TPPP2: variants seen among roughly 807,000 people sequenced by gnomAD.
TPPP2 encodes tubulin polymerization-promoting protein family member 2.
A neutral mutation model predicts 13.0 loss-of-function variants in TPPP2; 8 were observed. That is an observed-to-expected ratio of 0.62 (90% confidence interval 0.36 to 1.11). The LOEUF (loss-of-function observed/expected upper bound fraction) is 1.11, where lower values mean the gene tolerates loss of function less well. TPPP2 is among the 50% of genes most tolerant of loss of function. TPPP2 has a pLI of 0.02. For missense variants in TPPP2, 213 were observed against 216.9 expected, an observed-to-expected ratio of 0.98 and a Z score of 0.11; for synonymous variants, 81 against 81.8, an observed-to-expected ratio of 0.99 and a Z score of 0.05.
chr14:21,036,214 C>T (rs755118991), downstream of TPPP2: 1 of 456,336 alleles, frequency 2.2e-6, no homozygotes. Flanking sequence ...CTCGCCTGGA[C>T]AGCACACACA....
At chr14:21,028,468 C>T (rs1883847377), upstream of TPPP2, 1 of 152,066 alleles carries the variant, frequency 6.6e-6, no homozygotes, top group South Asian at 2.1e-4. Flanking sequence ...ACTTTGTTGG[C>T]CTCCCAAAGT....
At position 21,032,081 on chromosome 14, in the gene TPPP2, G is replaced by C. The variant is rs765129803; in HGVS notation, c.*4G>C. 7 of 1,610,138 alleles carry C rather than the reference G, an allele frequency of 4.3e-6. No individual in the cohort carries two copies. The African/African-American group carries it at 6.7e-5, about 15-fold the overall frequency. On this transcript the variant is annotated 3_prime_UTR_variant, in exon 4 of 4. Transcript: ENST00000321760. ...CTACGATAAGAAGACCAAGTAGAGAGGAGCTTCATCTCAGCCTGCTAGCCC... is the reference window on the plus strand; with the variant it reads ...CTACGATAAGAAGACCAAGTAGAGACGAGCTTCATCTCAGCCTGCTAGCCC...
At chr14:21,033,482 G>A, downstream of TPPP2, 1 of 351,126 alleles carries the variant, frequency 2.8e-6, no homozygotes, top group South Asian at 3.1e-5. Flanking sequence ...TGAGGCCCTG[G>A]GCCTCCATCC....
intron 3 of TPPP2, 142 bp from the exon 4 acceptor site, chr14:21,031,749 TG>T: frequency 1.2e-6 from 1 of 860,378 alleles, no homozygotes. Flanking sequence ...CAGCTGTATC[TG>T]GGCCCTAAGA....
chr14:21,025,255 T>C (rs1353365348), upstream of TPPP2: 4 of 864,682 alleles, frequency 4.6e-6, no homozygotes, highest in Non-Finnish European at 5.6e-6. The surrounding 1 kb of genome is among the most constrained non-coding windows in gnomAD (Gnocchi z 5.1). Flanking sequence ...GGCGGGCGGC[T>C]GGACGCTTCC....
chr14:21,028,478 T>G (rs1883848253), upstream of TPPP2: 1 of 152,146 alleles, frequency 6.6e-6, no homozygotes, highest in Non-Finnish European at 1.5e-5. Flanking sequence ...CCTCCCAAAG[T>G]GCTGGAATTA....
downstream of TPPP2, chr14:21,035,872 G>A (rs1360356391): frequency 6.8e-5 from 31 of 455,478 alleles, no homozygotes; most frequent in South Asian, 2.9e-4. Context: ...ACGGGGAGGC[G>A]GTCCTGCATG....
chr14:21,034,335 G>T, downstream of TPPP2: 1 of 1,420,480 alleles, frequency 7.0e-7, no homozygotes, highest in Non-Finnish European at 9.7e-7. Context: ...CAGTGGGCCT[G>T]AAGTGGCTGT....
At chr14:21,035,074 C>T (rs891401282), downstream of TPPP2, among the ~76,000 whole-genome samples, 1 of 152,216 alleles carries the variant, frequency 6.6e-6, no homozygotes, top group South Asian at 2.1e-4. Context: ...GCATTCGCCA[C>T]TTTGTCATCC....
At chr14:21,026,513 A>G (rs895036404), upstream of TPPP2, among the ~76,000 whole-genome samples, 8 of 43,762 alleles carry the variant, frequency 1.8e-4, no homozygotes, top group African/African-American at 7.5e-4. Flanking sequence ...CCCTCCCACC[A>G]CCACCCTCAC....
In TPPP2 at chr14:21,030,557, T is replaced by A. The variant is rs1386685176; in HGVS notation, c.-25T>A. 6.2e-7 allele frequency: 1 copy of A among 1,609,990 alleles called. No homozygotes were observed. The highest frequency in any genetic ancestry group is 1.7e-5 in the Admixed American group (1 of 59,608). On this transcript the variant is annotated 5_prime_UTR_variant, in exon 2 of 4. Coordinates refer to ENST00000321760, the MANE Select transcript of TPPP2 (RefSeq NM_173846.5). ...TTCACCCCCAAGTGTCTCCCACGAC[T>A]GCCCTCCCCGACCTCTAGCTGACCA...
In TPPP2 at chr14:21,032,040, A is replaced by G. The variant is rs147039776; in HGVS notation, c.476A>G (p.Tyr159Cys). Reference protein sequence around the residue: ...MTDNTGYVSGYKGSGTYDKKT... With the variant: ...MTDNTGYVSGCKGSGTYDKKT... ...GACAACACAGGCTATGTGAGTGGTT[A>G]CAAGGGTTCTGGCACCTACGATAAG... The change falls in exon 4 of 4, where the codon TAC becomes TGC. Residue 159 changes from tyrosine (Y) to cysteine (C), a missense_variant. Tyr to Cys is a radical substitution (Grantham distance 194, BLOSUM62 -2). Coordinates refer to ENST00000321760, the MANE Select transcript of TPPP2 (RefSeq NM_173846.5). The G allele has an allele frequency of 2.5e-5, 40 of 1,614,196 alleles. No homozygotes were observed. In the African/African-American group the frequency reaches 4.9e-4, roughly 20 times the overall value.
At position 21,030,656 on chromosome 14, in the gene TPPP2, GAAC is replaced by G. The variant is rs775924588; in HGVS notation, c.81_83del (p.Asn27del). The G allele has an allele frequency of 5.8e-5, 94 of 1,613,988 alleles. 3 individuals are homozygous for G. In the South Asian group the frequency reaches 5.9e-4, roughly 10 times the overall value. ...AATCATCAAGCAGTGGCACTGAAAT[GAAC>G]AACAAGAACTTCTCCAAGCTGTGCA... On this transcript the variant is annotated inframe_deletion, in exon 2 of 4. Transcript: ENST00000321760.
In TPPP2 at chr14:21,030,706, G is replaced by A. The variant is rs573166585; in HGVS notation, c.125G>A (p.Gly42Asp). 2.5e-6 allele frequency: 4 copies of A among 1,614,038 alleles called. No homozygotes were observed. The highest frequency in any genetic ancestry group is 1.3e-5 in the African/African-American group (1 of 74,918). The part of the protein sequence containing the change: ...KLCKDCGIMD[G>D]KTVTSTDVDI... Reference sequence around the variant, plus strand: ...TGCAAAGACTGTGGCATCATGGATGGCAAGACAGTCACCTCCACGGACGTG... The same window carrying A: ...TGCAAAGACTGTGGCATCATGGATGACAAGACAGTCACCTCCACGGACGTG... Residue 42 changes from glycine to aspartate, a missense_variant, in exon 2 of 4, where the codon GGC becomes GAC. By Grantham distance (94) the Gly-to-Asp change is moderately conservative. Transcript: ENST00000321760.
At chr14:21,034,895 A>T (rs898743975), downstream of TPPP2, 1 of 152,558 alleles carries the variant, frequency 6.6e-6, no homozygotes, top group South Asian at 2.1e-4. Flanking sequence ...CTACAGTGTC[A>T]TTGGAACACT....
In TPPP2 at chr14:21,032,018, A is replaced by C. The variant is rs1424619524; in HGVS notation, c.454A>C (p.Asn152His). The C allele has an allele frequency of 1.2e-6, 2 of 1,614,180 alleles. No homozygotes were observed. Among genetic ancestry groups the C allele is most frequent in the Non-Finnish European group, 1.7e-6 (2 of 1,180,024 alleles). Residue 152 changes from asparagine (N) to histidine (H), a missense_variant, in exon 4 of 4, where the codon AAC becomes CAC. By Grantham distance (68) the Asn-to-His change is moderately conservative. Coordinates refer to ENST00000321760, the MANE Select transcript of TPPP2 (RefSeq NM_173846.5). Reference sequence around the variant, plus strand: ...TGCGGGACGGGAAGAGATGACTGACAACACAGGCTATGTGAGTGGTTACAA... The same window carrying C: ...TGCGGGACGGGAAGAGATGACTGACCACACAGGCTATGTGAGTGGTTACAA... Reference protein sequence around the residue: ...GIAGREEMTDNTGYVSGYKGS... With the variant: ...GIAGREEMTDHTGYVSGYKGS...
At chr14:21,034,168 T>A (rs201950279), downstream of TPPP2, 3 of 1,613,978 alleles carry the variant, frequency 1.9e-6, no homozygotes, top group Non-Finnish European at 2.5e-6. Context: ...TAGTTAACCC[T>A]GGGATAGTCA....
intron 3 of TPPP2, among the ~76,000 whole-genome samples, chr14:21,031,619 A>G (rs903545477): frequency 1.3e-5 from 2 of 152,132 alleles, no homozygotes; most frequent in African/African-American, 2.4e-5. Flanking sequence ...GCAGCAGCCT[A>G]GTCAGAATAA....
chr14:21,033,704 G>A (rs761021872), downstream of TPPP2: 9 of 788,590 alleles, frequency 1.1e-5, no homozygotes, highest in Admixed American at 1.6e-4. Context: ...GGTCTCTTGG[G>A]AGGGGACCCT....
Sources: allele counts gnomAD v4.1 joint callset (sites outside exome capture counted in the v4.1 genomes callset), GRCh38; gene constraint gnomAD v4.1.1; non-coding constraint Gnocchi (gnomAD v3.1); transcripts MANE v1.5; gene names NCBI Gene and HGNC (gene_info 2026-07-23, HGNC 2026-07-21).